The following CFAP20DC variants were observed in gnomAD, a reference collection of about 807,000 sequenced individuals.
The protein encoded by CFAP20DC is protein CFAP20DC.
In CFAP20DC, 84 loss-of-function variants were observed where a neutral mutation model predicts 101.7. The observed-to-expected ratio is 0.83, with a 90% confidence interval of 0.69 to 0.99. The LOEUF (loss-of-function observed/expected upper bound fraction) is 0.99. Among genes scored for constraint, CFAP20DC ranks in the 50% least tolerant of loss-of-function variants. The probability of loss-of-function intolerance (pLI) is 0.00; values close to 1 mark genes in which losing one functional copy is unlikely to be tolerated. For missense variants in CFAP20DC, 1,007 were observed against 970.3 expected (o/e 1.04, Z -0.50); for synonymous variants, 359 against 351.2 (o/e 1.02, Z -0.25).
At chr3:58,880,513 A>G (rs1042597534) in intron 7 of CFAP20DC, among the ~76,000 whole-genome samples, 5 of 152,182 alleles carry the variant, frequency 3.3e-5, no homozygotes, top group Non-Finnish European at 7.4e-5. Flanking sequence ...ATAAATATCT[A>G]AAGGAGAAAT....
chr3:58,877,594 C>T (rs138910101), intron 7 of CFAP20DC, among the ~76,000 whole-genome samples: 2 of 152,210 alleles, frequency 1.3e-5, no homozygotes, highest in East Asian at 1.9e-4. Flanking sequence ...ATGCTCTGAG[C>T]GGGGGCTCAG....
chr3:58,996,201 T>C (rs2093128086), intron 4 of CFAP20DC, among the ~76,000 whole-genome samples: 1 of 152,184 alleles, frequency 6.6e-6, no homozygotes, highest in Non-Finnish European at 1.5e-5. Flanking sequence ...AACTTATTTA[T>C]ACAAATAAAT....
downstream of CFAP20DC, chr3:58,737,013 G>A (rs537402272): frequency 1.0e-5 from 3 of 301,180 alleles, no homozygotes; most frequent in East Asian, 2.7e-4. The surrounding 1 kb of genome is among the most constrained non-coding windows in gnomAD (Gnocchi z 4.1). Context: ...CATGATGAAT[G>A]AACTTTCATT....
Position 59,006,793 on chromosome 3 carries a change from A to C in CFAP20DC, c.278+32764T>G, listed in dbSNP as rs1303746098. On this transcript the variant is annotated intron_variant, in intron 4 of 16. Transcript: ENST00000482387. This position sits in a 1 kb window ranked among gnomAD's most constrained non-coding sequence, Gnocchi z 4.3. ...CCAACTAAATTTTGTAATAGTTTCA[A>C]CTGGACACAAGCTTTCTTGATCAGA... Among the ~76,000 whole-genome samples, 1 of 152,178 alleles carries C rather than the reference A, an allele frequency of 6.6e-6. No individual in the cohort carries two copies. Among genetic ancestry groups the C allele is most frequent in the Non-Finnish European group, 1.5e-5 (1 of 68,028 alleles).
downstream of CFAP20DC, among the ~76,000 whole-genome samples, chr3:58,739,908 T>C (rs1460269633): frequency 6.6e-6 from 1 of 152,182 alleles, no homozygotes; most frequent in Non-Finnish European, 1.5e-5. Context: ...AAAAAGGGGA[T>C]AATAAGACCT....
rs147405974 is a variant in CFAP20DC, at chr3:58,828,472, A to G, written c.2175+3214T>C. Among the ~76,000 whole-genome samples, 544 of 152,284 alleles carry G rather than the reference A, an allele frequency of 3.6e-3. 1 individual carries two copies. Among genetic ancestry groups the G allele is most frequent in the Non-Finnish European group, 4.7e-3 (318 of 68,024 alleles). ...AAAAATAAAGTGCATAAACCATAAA[A>G]AAGAGTGAAATCATGTCCTTTGCAG... On this transcript the variant is annotated intron_variant, in intron 14 of 16. Coordinates refer to ENST00000482387, the MANE Select transcript of CFAP20DC (RefSeq NM_001394063.1).
At chr3:58,725,135 T>G (rs1418384074) in intron 3 of CFAP20DC, among the ~76,000 whole-genome samples, 2 of 152,224 alleles carry the variant, frequency 1.3e-5, no homozygotes, top group Non-Finnish European at 2.9e-5. Flanking sequence ...ATCTATATTT[T>G]TATCAGACAC....
intron 5 of CFAP20DC, among the ~76,000 whole-genome samples, chr3:58,931,421 G>A (rs1329081997): frequency 6.6e-6 from 1 of 152,202 alleles, no homozygotes; most frequent in Non-Finnish European, 1.5e-5. Flanking sequence ...AGAGAGCAGT[G>A]GTTCTCCCAG....
At chr3:58,865,077 T>G (rs1396233225) in intron 11 of CFAP20DC, among the ~76,000 whole-genome samples, 1 of 151,208 alleles carries the variant, frequency 6.6e-6, no homozygotes, top group African/African-American at 2.4e-5. Flanking sequence ...GAGCATTTTC[T>G]CAATGTAGTC....
intron 13 of CFAP20DC, among the ~76,000 whole-genome samples, chr3:58,841,835 A>G (rs2077135926): frequency 6.6e-6 from 1 of 152,226 alleles, no homozygotes; most frequent in Non-Finnish European, 1.5e-5. Flanking sequence ...AATAAGCTCA[A>G]ACTTTTTCTG....
At position 58,897,109 on chromosome 3, in the gene CFAP20DC, T is replaced by A. The variant is rs941631674; in HGVS notation, c.551-12400A>T. 2.0e-5 allele frequency among the ~76,000 whole-genome samples: 3 copies of A among 152,236 alleles called. No homozygotes were observed. Among genetic ancestry groups the A allele is most frequent in the Non-Finnish European group, 4.4e-5 (3 of 68,044 alleles). ...TGTATTTAGGATTGTTAGCACTTCTTGAATTGAACCCTTTACCACTACATA... is the reference window on the plus strand; with the variant it reads ...TGTATTTAGGATTGTTAGCACTTCTAGAATTGAACCCTTTACCACTACATA... On this transcript the variant is annotated intron_variant, in intron 6 of 16. Coordinates refer to ENST00000482387, the MANE Select transcript of CFAP20DC (RefSeq NM_001394063.1). This position sits in a 1 kb window ranked among gnomAD's most constrained non-coding sequence, Gnocchi z 4.4.
At chr3:58,763,531 C>T (rs1300784883) in intron 15 of CFAP20DC, among the ~76,000 whole-genome samples, 1 of 152,142 alleles carries the variant, frequency 6.6e-6, no homozygotes, top group Admixed American at 6.5e-5. Flanking sequence ...GCCTTCTTTT[C>T]TCAACTCGTC....
intron 4 of CFAP20DC, among the ~76,000 whole-genome samples, chr3:59,038,934 A>C (rs1442431568): frequency 6.6e-6 from 1 of 152,116 alleles, no homozygotes; most frequent in African/African-American, 2.4e-5. Flanking sequence ...GTAATGGTTA[A>C]TTTAAAGTAT....
At chr3:59,047,322 T>C (rs942047896) in intron 1 of CFAP20DC, 68 bp from the exon 2 acceptor site, 7 of 1,039,360 alleles carry the variant, frequency 6.7e-6, no homozygotes, top group African/African-American at 1.6e-5. Flanking sequence ...ACATAGTCTA[T>C]AACCAGTGTT....
At chr3:58,903,705 G>T (rs986668760) in intron 6 of CFAP20DC, among the ~76,000 whole-genome samples, 1 of 152,084 alleles carries the variant, frequency 6.6e-6, no homozygotes, top group Non-Finnish European at 1.5e-5. Flanking sequence ...AGAGCATGAG[G>T]GTAACTGCAG....
In CFAP20DC at chr3:58,864,572, C is replaced by T. The variant is rs1477471863; in HGVS notation, c.1259-680G>A. Among the ~76,000 whole-genome samples the T allele has an allele frequency of 6.6e-6, 1 of 152,182 alleles. No homozygotes were observed. The highest frequency in any genetic ancestry group is 1.5e-5 in the Non-Finnish European group (1 of 68,032). On this transcript the variant is annotated intron_variant, in intron 11 of 16. Coordinates refer to ENST00000482387, the MANE Select transcript of CFAP20DC (RefSeq NM_001394063.1). The surrounding 1 kb of genome is among the most constrained non-coding windows in gnomAD (Gnocchi z 4.7). ...TCCAAATTTAAAAGGGGTTGAGTTA[C>T]TAATATCTCCTTTTAACTGCAGGAG...
In CFAP20DC at chr3:58,764,544, G is replaced by A. The variant is rs116160763; in HGVS notation, c.2238-10681C>T. Reference sequence around the variant, plus strand: ...GGTCGGTGTACTGCACCCACTGTCCGATACTCCTCAGTGAGATGAACCCGG... The same window carrying A: ...GGTCGGTGTACTGCACCCACTGTCCAATACTCCTCAGTGAGATGAACCCGG... On this transcript the variant is annotated intron_variant, in intron 15 of 16. Coordinates refer to ENST00000482387, the MANE Select transcript of CFAP20DC (RefSeq NM_001394063.1). 2.0e-3 allele frequency among the ~76,000 whole-genome samples: 300 copies of A among 152,028 alleles called. 4 individuals are homozygous for A. The highest frequency in any genetic ancestry group is 7.0e-3 in the African/African-American group (290 of 41,536).
At chr3:58,720,169 C>T (rs1291383504) in intron 3 of CFAP20DC, among the ~76,000 whole-genome samples, 2 of 152,216 alleles carry the variant, frequency 1.3e-5, no homozygotes, top group East Asian at 1.9e-4. Flanking sequence ...TTATTGGATT[C>T]CCCACTAGAA....
At chr3:59,046,182 A>C (rs528986409) in intron 3 of CFAP20DC, 47 bp downstream of exon 3, 367 of 1,277,870 alleles carry the variant, frequency 2.9e-4, no homozygotes, top group Non-Finnish European at 3.7e-4. Flanking sequence ...TAAAAGCAGA[A>C]CTTTGAGTAC....
Sources: allele counts gnomAD v4.1 joint callset (sites outside exome capture counted in the v4.1 genomes callset), GRCh38; gene constraint gnomAD v4.1.1; non-coding constraint Gnocchi (gnomAD v3.1); transcripts MANE v1.5; gene names NCBI Gene and HGNC (gene_info 2026-07-23, HGNC 2026-07-21).